SPAST: variants seen among roughly 807,000 people sequenced by gnomAD.
SPAST encodes the protein spastic paraplegia 4 (autosomal dominant; spastin).
Under a neutral mutation model 76.6 loss-of-function variants are expected in SPAST, and 30 were observed. The ratio of observed to expected loss-of-function variants is 0.39; its 90% CI spans 0.29 to 0.53. The LOEUF (loss-of-function observed/expected upper bound fraction) is 0.53, where lower values mean the gene tolerates loss of function less well. SPAST is among the 20% of genes least tolerant of loss of function. SPAST has a pLI of 0.68. For missense variants in SPAST, 717 were observed against 770.5 expected, an observed-to-expected ratio of 0.93 and a Z score of 0.82; for synonymous variants, 305 against 281.0, an observed-to-expected ratio of 1.09 and a Z score of -0.86.
At chr2:32,121,255 C>T (rs896802204) in intron 7 of SPAST, among the ~76,000 whole-genome samples, 5 of 151,782 alleles carry the variant, frequency 3.3e-5, no homozygotes, top group African/African-American at 2.4e-5. Flanking sequence ...GGGGTTCAAG[C>T]GATTCTCCTG....
chr2:32,068,230 G>A (rs532818013), intron 1 of SPAST, among the ~76,000 whole-genome samples: 106 of 151,902 alleles, frequency 7.0e-4, no homozygotes, highest in South Asian at 5.0e-3. Context: ...CACCCGCCTC[G>A]GCCTCCCAAA....
At chr2:32,066,820 A>G (rs780635399) in intron 1 of SPAST, among the ~76,000 whole-genome samples, 6 of 152,002 alleles carry the variant, frequency 3.9e-5, no homozygotes, top group Non-Finnish European at 8.8e-5. Flanking sequence ...TGAAAAATAC[A>G]AAGATTAGCT....
At chr2:32,072,711 G>A (rs931341992) in intron 1 of SPAST, among the ~76,000 whole-genome samples, 52 of 152,224 alleles carry the variant, frequency 3.4e-4, no homozygotes, top group Admixed American at 1.8e-3. Context: ...TAAAACTCAC[G>A]TATAAAATAG....
chr2:32,111,514 G>A (rs1189543192), intron 4 of SPAST, among the ~76,000 whole-genome samples: 4 of 150,842 alleles, frequency 2.7e-5, no homozygotes, highest in Non-Finnish European at 5.9e-5. Flanking sequence ...AAAAACCATA[G>A]CTAAGATTTT....
chr2:32,133,625 G>A (rs1679440845), intron 9 of SPAST, among the ~76,000 whole-genome samples: 1 of 150,734 alleles, frequency 6.6e-6, no homozygotes, highest in Non-Finnish European at 1.5e-5. Flanking sequence ...TTTCTTATAT[G>A]TTCGAACAGT....
intron 4 of SPAST, among the ~76,000 whole-genome samples, chr2:32,105,227 C>T (rs1294503150): frequency 6.6e-6 from 1 of 152,156 alleles, no homozygotes; most frequent in Non-Finnish European, 1.5e-5. Flanking sequence ...GATACCCTTT[C>T]TTCCACTTGA....
In SPAST at chr2:32,117,901, G is replaced by C. The variant is rs1678897013; in HGVS notation, c.1098+1689G>C. 3.9e-5 allele frequency among the ~76,000 whole-genome samples: 6 copies of C among 152,164 alleles called. No homozygotes were observed. In the South Asian group the frequency reaches 1.2e-3, roughly 32 times the overall value. On this transcript the variant is annotated intron_variant, in intron 7 of 16. Coordinates refer to ENST00000315285, the MANE Select transcript of SPAST (RefSeq NM_014946.4). Reference sequence around the variant, plus strand: ...ATCAAAGTAGATAGAGCCATTAAATGATGGGTAGAAACCTAATCTTCCATC... The same window carrying C: ...ATCAAAGTAGATAGAGCCATTAAATCATGGGTAGAAACCTAATCTTCCATC...
At chr2:32,116,903 G>A (rs1468953726) in intron 7 of SPAST, among the ~76,000 whole-genome samples, 3 of 152,096 alleles carry the variant, frequency 2.0e-5, no homozygotes, top group African/African-American at 4.8e-5. Flanking sequence ...GGAGGCAGAG[G>A]TTGCAGTGAG....
At chr2:32,143,247 A>C (rs1679780124) in intron 13 of SPAST, 89 bp from the exon 14 acceptor site, 4 of 789,950 alleles carry the variant, frequency 5.1e-6, no homozygotes, top group South Asian at 3.0e-5. Flanking sequence ...AGCCTGGGTA[A>C]CAGCACAAGA....
intron 7 of SPAST, among the ~76,000 whole-genome samples, chr2:32,119,624 T>C (rs1380001681): frequency 6.6e-6 from 1 of 152,204 alleles, no homozygotes; most frequent in Admixed American, 6.6e-5. Flanking sequence ...CTTCCTTCAA[T>C]CCCATAGGAC....
intron 4 of SPAST, among the ~76,000 whole-genome samples, chr2:32,107,183 A>G (rs1016037547): frequency 6.6e-6 from 1 of 152,052 alleles, no homozygotes; most frequent in Non-Finnish European, 1.5e-5. Context: ...TATCCCTAGT[A>G]CAAGTTGAAT....
rs1039717769 is a variant in SPAST at position 32,152,493 on chromosome 2, G to T, written c.1729-1881G>T. On this transcript the variant is annotated intron_variant, in intron 16 of 16. Coordinates refer to ENST00000315285, the MANE Select transcript of SPAST (RefSeq NM_014946.4). ...GATCTCTTAAGCCTGGGAGGCAGAG[G>T]TTGCAGTGAGCCGAGATCATGCCAC... is the stretch of plus-strand genomic sequence containing the variant. 4.6e-5 allele frequency among the ~76,000 whole-genome samples: 7 copies of T among 152,220 alleles called. No homozygotes were observed. In the East Asian group the frequency reaches 1.2e-3, roughly 25 times the overall value.
At chr2:32,147,074 C>CA in intron 15 of SPAST, 144 bp from the exon 16 acceptor site, 1 of 620,580 alleles carries the variant, frequency 1.6e-6, no homozygotes, top group Non-Finnish European at 2.9e-6. Context: ...TATTTGCTCT[C>CA]AAAGTTAACA....
intron 7 of SPAST, among the ~76,000 whole-genome samples, chr2:32,119,077 T>C (rs948994557): frequency 6.6e-6 from 1 of 152,206 alleles, no homozygotes; most frequent in Non-Finnish European, 1.5e-5. Flanking sequence ...CTTAGCAAAC[T>C]GAGACCTAAG....
intron 3 of SPAST, among the ~76,000 whole-genome samples, chr2:32,091,618 G>A (rs1306984075): frequency 6.7e-6 from 1 of 150,132 alleles, no homozygotes; most frequent in East Asian, 2.1e-4. Context: ...GGATCACGAG[G>A]TCAGGAGATT....
intron 1 of SPAST, among the ~76,000 whole-genome samples, chr2:32,075,482 A>AT (rs1246052941): frequency 6.8e-6 from 1 of 146,052 alleles, no homozygotes; most frequent in African/African-American, 2.5e-5. Context: ...TGTGATGACA[A>AT]AAAAAAAAAA....
chr2:32,074,335 T>G (rs567775319), intron 1 of SPAST, among the ~76,000 whole-genome samples: 1 of 152,280 alleles, frequency 6.6e-6, no homozygotes, highest in South Asian at 2.1e-4. Context: ...TGTTCATGTT[T>G]TGCCTGTGTT....
rs776885579 is a variant in SPAST, at chr2:32,115,708, C to G, written c.877C>G (p.Pro293Ala). 1.9e-6 allele frequency: 3 copies of G among 1,606,890 alleles called. No homozygotes were observed. Among genetic ancestry groups the G allele is most frequent in the Admixed American group, 3.3e-5 (2 of 59,906 alleles). Residue 293 changes from proline (P) to alanine (A), a missense_variant, in exon 6 of 17, where the codon CCG (proline) becomes GCG (alanine). Around this residue, in one of 3 missense-constraint regions of SPAST, gnomAD observed 543 missense variants for 445.2 expected, o/e 1.22. Transcript: ENST00000315285. ...AAATTTTGTATCCTTTAAGGGTACT[C>G]CGAAAACAAATAGGACAAATAAACC... The part of the protein sequence containing the change: ...GPAPTTHKGT[P>A]KTNRTNKPST...
chr2:32,067,056 A>C (rs1676549186), intron 1 of SPAST, among the ~76,000 whole-genome samples: 1 of 151,546 alleles, frequency 6.6e-6, no homozygotes, highest in African/African-American at 2.4e-5. Flanking sequence ...CATGCAAGGA[A>C]ATTTTTTTTA....
Sources: allele counts gnomAD v4.1 joint callset (sites outside exome capture counted in the v4.1 genomes callset), GRCh38; gene constraint gnomAD v4.1.1; regional missense constraint gnomAD v4.1.1; transcripts MANE v1.5; gene names NCBI Gene and HGNC (gene_info 2026-07-23, HGNC 2026-07-21).